Variants in BYSL observed in about 807,000 individuals in gnomAD.
The protein encoded by BYSL is bystin like, also known as bystin.
BYSL carries 21 observed loss-of-function variants against 45.4 expected under a neutral mutation model. That is an observed-to-expected ratio of 0.46 (90% confidence interval 0.33 to 0.67). The LOEUF is 0.67. BYSL is among the 30% of genes least tolerant of loss of function. The pLI, the probability that BYSL is intolerant of heterozygous loss-of-function variation, is 0.02. For synonymous variants in BYSL, 215 were observed against 231.3 expected, an observed-to-expected ratio of 0.93 and a Z score of 0.64; for missense variants, 522 against 578.5, an observed-to-expected ratio of 0.90 and a Z score of 1.00.
chr6:41,909,439 G>A, the BYSL span: 1 of 1,614,232 alleles, frequency 6.2e-7, no homozygotes, highest in African/African-American at 1.3e-5. Flanking sequence ...TCAGCAATAA[G>A]GCAAGGGCCA....
intron 3 of BYSL, 28 bp from the exon 4 acceptor site, chr6:41,930,607 A>G: frequency 6.3e-7 from 1 of 1,590,524 alleles, no homozygotes; most frequent in Non-Finnish European, 8.5e-7. Flanking sequence ...GTGGATGACG[A>G]TGATTGTTTT....
At chr6:41,922,087 TG>T (rs1775491482) in intron 1 of BYSL, among the ~76,000 whole-genome samples, 1 of 152,196 alleles carries the variant, frequency 6.6e-6, no homozygotes, top group African/African-American at 2.4e-5. Flanking sequence ...CCATTGGTTT[TG>T]TAAATATTTA....
upstream of BYSL, chr6:41,921,062 A>C: frequency 6.2e-7 from 1 of 1,607,058 alleles, no homozygotes; most frequent in Non-Finnish European, 8.5e-7. Context: ...GTAGAAACGC[A>C]GGGTTCCCTG....
chr6:41,918,533 G>A (rs1775373999), upstream of BYSL, among the ~76,000 whole-genome samples: 2 of 151,524 alleles, frequency 1.3e-5, no homozygotes, highest in Non-Finnish European at 2.9e-5. Flanking sequence ...ACGAAACTTG[G>A]CCAGGCACGG....
upstream of BYSL, chr6:41,917,856 T>C (rs929297826): frequency 6.6e-6 from 3 of 455,888 alleles, no homozygotes; most frequent in Non-Finnish European, 1.4e-5. Context: ...CTGGGACTAG[T>C]GTATTGGACA....
chr6:41,914,761 C>T, the BYSL span, among the ~76,000 whole-genome samples: 3 of 151,956 alleles, frequency 2.0e-5, no homozygotes, highest in African/African-American at 7.3e-5. Context: ...AGCCATCATC[C>T]CCCATCATCC....
the BYSL span, among the ~76,000 whole-genome samples, chr6:41,914,211 G>T: frequency 0.25 from 37,630 of 152,124 alleles, 4,853 homozygotes; most frequent in Middle Eastern, 0.3. Context: ...TCGGAGGCAG[G>T]AATGAGGGCT....
the BYSL span, chr6:41,909,085 G>T: frequency 1.4e-6 from 1 of 728,682 alleles, no homozygotes; most frequent in Non-Finnish European, 2.2e-6. Context: ...GAGGCGGAAG[G>T]ATCACTTGAG....
At position 41,930,266 on chromosome 6, in the gene BYSL, G is replaced by T. The variant is rs781257070; in HGVS notation, c.566G>T (p.Arg189Leu). 15 of 1,613,678 alleles carry T rather than the reference G, an allele frequency of 9.3e-6. No individual in the cohort carries two copies. The highest frequency in any genetic ancestry group is 1.3e-5 in the Non-Finnish European group (15 of 1,179,812). The change falls in exon 3 of 7, where the codon CGG becomes CTG. Residue 189 changes from arginine to leucine, a missense_variant. By Grantham distance (102) the Arg-to-Leu change is moderately radical. Transcript: ENST00000230340. Reference protein sequence around the residue: ...PRVLEVYRGVREVLSKYRSGK... With the variant: ...PRVLEVYRGVLEVLSKYRSGK... Reference sequence around the variant, plus strand: ...GTCCTAGAAGTGTACAGGGGGGTCCGGGAGGTAAGAGCTGAGAGGGGAGCC... The same window carrying T: ...GTCCTAGAAGTGTACAGGGGGGTCCTGGAGGTAAGAGCTGAGAGGGGAGCC...
chr6:41,916,880 G>A (rs767564473), upstream of BYSL: 2 of 1,614,018 alleles, frequency 1.2e-6, no homozygotes, highest in Non-Finnish European at 1.7e-6. Context: ...CAATTTCCGG[G>A]TAAGGAGCTC....
rs147805526 is a variant in BYSL, at chr6:41,925,848, G to A, written c.269-1526G>A. On this transcript the variant is annotated intron_variant, in intron 1 of 6. Coordinates refer to ENST00000230340, the MANE Select transcript of BYSL (RefSeq NM_004053.4). ...ATTATAGGCATGCGCCACCAAGCCC[G>A]GCTAATTTTGTATTTTTAGTAGAGA... 3.8e-4 allele frequency among the ~76,000 whole-genome samples: 58 copies of A among 151,814 alleles called. No homozygotes were observed. In the East Asian group the frequency reaches 9.7e-3, roughly 25 times the overall value.
intron 4 of BYSL, 38 bp from the exon 5 acceptor site, chr6:41,931,358 G>A (rs143422508): frequency 3.7e-5 from 59 of 1,611,696 alleles, no homozygotes; most frequent in Middle Eastern, 1.7e-4. Flanking sequence ...CCAGACTGTC[G>A]TGTGAGTTGG....
chr6:41,921,117 C>G (rs1241868123), upstream of BYSL: 4 of 1,472,076 alleles, frequency 2.7e-6, no homozygotes, highest in South Asian at 1.2e-5. Flanking sequence ...AACCTTCTGT[C>G]TCAGAAGGGA....
At chr6:41,912,649 G>A in the BYSL span, among the ~76,000 whole-genome samples, 1 of 151,990 alleles carries the variant, frequency 6.6e-6, no homozygotes, top group East Asian at 1.9e-4. Context: ...GAGCCACCGC[G>A]CCCAGACGAC....
At chr6:41,914,990 G>C in the BYSL span, among the ~76,000 whole-genome samples, 4 of 152,180 alleles carry the variant, frequency 2.6e-5, no homozygotes, top group African/African-American at 9.7e-5. Flanking sequence ...GTTAAATGTA[G>C]ATTATGTGGC....
chr6:41,921,366 T>G, upstream of BYSL: 2 of 685,646 alleles, frequency 2.9e-6, no homozygotes, highest in Non-Finnish European at 4.8e-6. Flanking sequence ...AGTGAATATA[T>G]TCGGGAGTCC....
intron 2 of BYSL, among the ~76,000 whole-genome samples, chr6:41,928,998 A>C (rs527835708): frequency 6.6e-6 from 1 of 152,208 alleles, no homozygotes; most frequent in African/African-American, 2.4e-5. Flanking sequence ...CAGTGGCATG[A>C]TCTCAGCTCA....
At chr6:41,918,511 A>G (rs1209880730), upstream of BYSL, among the ~76,000 whole-genome samples, 3 of 143,390 alleles carry the variant, frequency 2.1e-5, no homozygotes, top group Admixed American at 7.0e-5. Flanking sequence ...TCTCAAAAAG[A>G]AAAAAAAAAA....
At chr6:41,927,138 G>GTTAACTA (rs1225822188) in intron 1 of BYSL, among the ~76,000 whole-genome samples, 4 of 151,562 alleles carry the variant, frequency 2.6e-5, no homozygotes, top group Admixed American at 6.6e-5. Context: ...AGTATGGTAT[G>GTTAACTA]TTAACTATTA....
Sources: gnomAD v4.1 joint callset for allele counts (sites outside exome capture counted in the v4.1 genomes callset) on GRCh38, gnomAD v4.1.1 for gene constraint, MANE v1.5 for transcripts, NCBI Gene and HGNC (gene_info 2026-07-23, HGNC 2026-07-21) for gene names.